Variants in NRXN3 observed in about 807,000 individuals in gnomAD.
NRXN3 encodes neurexin III.
A neutral mutation model predicts 137.6 loss-of-function variants in NRXN3; 32 were observed. The observed-to-expected ratio is 0.23, with a 90% confidence interval of 0.18 to 0.31. The LOEUF (loss-of-function observed/expected upper bound fraction) is 0.31, where lower values mean the gene tolerates loss of function less well. Ranked by LOEUF, NRXN3 falls within the 10% of genes least tolerant of loss-of-function variation. NRXN3 has a pLI of 1.00. For synonymous variants in NRXN3, 798 were observed against 784.5 expected, an observed-to-expected ratio of 1.02 and a Z score of -0.29; for missense variants, 1,574 against 2,062.5, an observed-to-expected ratio of 0.76 and a Z score of 4.59.
chr14:78,893,466 T>C (rs1340786007), intron 10 of NRXN3, among the ~76,000 whole-genome samples: 1 of 151,870 alleles, frequency 6.6e-6, no homozygotes, highest in Non-Finnish European at 1.5e-5. Context: ...AGTCAATTGG[T>C]AAAGTCACTG....
At chr14:78,389,056 CTTTT>C (rs5809885) in intron 4 of NRXN3, among the ~76,000 whole-genome samples, 1 of 135,596 alleles carries the variant, frequency 7.4e-6, no homozygotes. Context: ...GTTTAAGTTT[CTTTT>C]TTTTTTTTTT....
intron 15 of NRXN3, among the ~76,000 whole-genome samples, chr14:79,106,082 C>A (rs546319766): frequency 3.3e-5 from 5 of 152,154 alleles, no homozygotes; most frequent in African/African-American, 7.2e-5. Flanking sequence ...TAGTTTTAAA[C>A]GTTTTGAATT....
At chr14:79,570,783 G>A (rs1208607357) in intron 16 of NRXN3, among the ~76,000 whole-genome samples, 1 of 152,184 alleles carries the variant, frequency 6.6e-6, no homozygotes, top group Non-Finnish European at 1.5e-5. Context: ...AGAACAAGGT[G>A]CTAGCCAATT....
chr14:79,537,250 A>C (rs965299510), intron 16 of NRXN3, among the ~76,000 whole-genome samples: 3 of 151,848 alleles, frequency 2.0e-5, no homozygotes, highest in Admixed American at 6.6e-5. Flanking sequence ...TCGGCTGCAT[A>C]AATGTTTTCT....
In NRXN3 at chr14:78,957,131, A is replaced by G. The variant is rs193206516; in HGVS notation, c.2276-111A>G. On this transcript the variant is annotated intron_variant, in intron 10 of 20. Coordinates refer to ENST00000335750, the MANE Select transcript of NRXN3 (RefSeq NM_001330195.2). The stretch of plus-strand genomic sequence containing the variant: ...TTCGAATGGACTTTGGGTGGAATAT[A>G]ATTCCTTGAATGCTGCTGGGTCATG... 1.6e-4 allele frequency: 182 copies of G among 1,168,586 alleles called. No homozygotes were observed. In the East Asian group the frequency reaches 4.3e-3, roughly 27 times the overall value. 72.4% of individuals were successfully genotyped at this position (1,168,586 alleles called of 1,614,324 possible). A position where few individuals can be genotyped will look rare whatever the true frequency, so the allele number is the denominator to read the frequency against.
intron 10 of NRXN3, among the ~76,000 whole-genome samples, chr14:78,930,573 C>A (rs2099318813): frequency 6.6e-6 from 1 of 152,048 alleles, no homozygotes; most frequent in Non-Finnish European, 1.5e-5. Flanking sequence ...CCAAGACAGG[C>A]AAATAATTCA....
At chr14:79,070,368 C>T (rs1206220002) in intron 15 of NRXN3, among the ~76,000 whole-genome samples, 1 of 152,196 alleles carries the variant, frequency 6.6e-6, no homozygotes, top group African/African-American at 2.4e-5. Context: ...CTCCCAATAA[C>T]AGGTCATCAA....
At chr14:78,357,568 G>T (rs7150246) in intron 4 of NRXN3, among the ~76,000 whole-genome samples, 151,775 of 152,324 alleles carry the variant, frequency 1, 75,619 homozygotes, top group Middle Eastern at 1. Context: ...GAAGTTGGAC[G>T]TTTTTTCTAA....
intron 16 of NRXN3, among the ~76,000 whole-genome samples, chr14:79,653,184 A>C (rs2153974660): frequency 6.6e-6 from 1 of 152,300 alleles, no homozygotes; most frequent in East Asian, 1.9e-4. Context: ...ATGATGACAC[A>C]GTAGATTCCC....
chr14:79,512,726 T>C (rs1022314398), intron 16 of NRXN3, among the ~76,000 whole-genome samples: 2 of 152,190 alleles, frequency 1.3e-5, no homozygotes, highest in Non-Finnish European at 2.9e-5. Context: ...ATAATTAATA[T>C]GTTTATATGT....
chr14:78,304,260 C>T (rs1258217893), intron 4 of NRXN3, among the ~76,000 whole-genome samples: 1 of 152,112 alleles, frequency 6.6e-6, no homozygotes, highest in Non-Finnish European at 1.5e-5. Context: ...TAGATTACAC[C>T]AGAATAAACG....
intron 4 of NRXN3, among the ~76,000 whole-genome samples, chr14:78,335,992 G>A (rs1012397197): frequency 2.6e-5 from 4 of 152,148 alleles, no homozygotes; most frequent in African/African-American, 9.7e-5. Flanking sequence ...AGTAGACTCA[G>A]GAAAATGTGC....
chr14:78,631,876 A>G (rs2152535988), intron 4 of NRXN3, among the ~76,000 whole-genome samples: 2 of 152,042 alleles, frequency 1.3e-5, no homozygotes, highest in Middle Eastern at 3.4e-3. Flanking sequence ...CAGGATCAGG[A>G]GGATCAGGAG....
chr14:78,482,714 A>T (rs181575066), intron 4 of NRXN3, among the ~76,000 whole-genome samples: 4 of 152,368 alleles, frequency 2.6e-5, no homozygotes. Context: ...GACTACAAGC[A>T]TAGTGACCTT....
chr14:79,081,651 A>C (rs533585485), intron 15 of NRXN3, among the ~76,000 whole-genome samples: 2 of 151,762 alleles, frequency 1.3e-5, no homozygotes, highest in Non-Finnish European at 2.9e-5. Context: ...GATGTGTCCA[A>C]GCTCTTTGTC....
At chr14:78,874,034 C>G (rs1015186097) in intron 10 of NRXN3, among the ~76,000 whole-genome samples, 2 of 150,066 alleles carry the variant, frequency 1.3e-5, no homozygotes, top group African/African-American at 5.0e-5. Context: ...TGCAGTGGCA[C>G]GATCTCAGCT....
intron 6 of NRXN3, among the ~76,000 whole-genome samples, chr14:78,704,978 A>T (rs1419930542): frequency 6.6e-6 from 1 of 152,048 alleles, no homozygotes; most frequent in Non-Finnish European, 1.5e-5. Context: ...TAACTTTGAG[A>T]TTCTGTCCTC....
chr14:79,799,216 C>T (rs2099169583), intron 19 of NRXN3, among the ~76,000 whole-genome samples: 1 of 152,186 alleles, frequency 6.6e-6, no homozygotes, highest in Admixed American at 6.5e-5. Flanking sequence ...GTAATTTCAA[C>T]ACGTGGATTA....
At chr14:79,364,483 C>G (rs2093802468) in intron 15 of NRXN3, among the ~76,000 whole-genome samples, 1 of 152,082 alleles carries the variant, frequency 6.6e-6, no homozygotes. Context: ...TCATGTTTTG[C>G]TATTTATAAG....
Sources: gnomAD v4.1 joint callset for allele counts (sites outside exome capture counted in the v4.1 genomes callset) on GRCh38, gnomAD v4.1.1 for gene constraint, MANE v1.5 for transcripts, NCBI Gene and HGNC (gene_info 2026-07-23, HGNC 2026-07-21) for gene names.